SEM1: variants seen among roughly 807,000 people sequenced by gnomAD.
The protein encoded by SEM1 is 26S proteasome complex subunit SEM1.
SEM1 carries 3 observed loss-of-function variants against 12.7 expected under a neutral mutation model. The ratio of observed to expected loss-of-function variants is 0.24; its 90% CI spans 0.11 to 0.61. The LOEUF (loss-of-function observed/expected upper bound fraction) is 0.61, where lower values mean the gene tolerates loss of function less well. Ranked by LOEUF, SEM1 falls within the 20% of genes least tolerant of loss-of-function variation. The pLI is 0.88. For synonymous variants in SEM1, 30 were observed against 27.8 expected (o/e 1.08, Z -0.25); for missense variants, 59 against 81.3 (o/e 0.73, Z 1.06).
chr7:96,553,103 C>A (rs1805346427), intron 2 of SEM1, among the ~76,000 whole-genome samples: 1 of 152,132 alleles, frequency 6.6e-6, no homozygotes, highest in Non-Finnish European at 1.5e-5. Flanking sequence ...TAGCCCTTGT[C>A]AGATGAGTAG....
At chr7:96,621,287 T>C (rs902802642), downstream of SEM1, among the ~76,000 whole-genome samples, 20 of 152,166 alleles carry the variant, frequency 1.3e-4, no homozygotes, top group Admixed American at 6.5e-4. Flanking sequence ...TAAAAATTGG[T>C]CTTTGCAGCA....
intron 1 of SEM1, chr7:96,695,749 A>G (rs1790075967): frequency 6.6e-6 from 1 of 152,024 alleles, no homozygotes; most frequent in Non-Finnish European, 1.5e-5. Flanking sequence ...AGGTTCTAAG[A>G]CAACAAGCAG....
At chr7:96,619,133 T>C (rs575204886), downstream of SEM1, among the ~76,000 whole-genome samples, 16 of 152,344 alleles carry the variant, frequency 1.1e-4, no homozygotes, top group African/African-American at 3.8e-4. Flanking sequence ...AGACAATTGT[T>C]GTGGTCCTTT....
chr7:96,541,432 T>G (rs4559161), intron 2 of SEM1, among the ~76,000 whole-genome samples: 101,110 of 119,126 alleles, frequency 0.85, 42,362 homozygotes, highest in Non-Finnish European at 0.92. Context: ...TTTTAATGGG[T>G]TTTTTTTTTT....
At position 96,709,742 on chromosome 7, in the gene SEM1, C is replaced by G; in HGVS notation, c.22G>C (p.Val8Leu). 2 of 1,613,998 alleles carry G rather than the reference C, an allele frequency of 1.2e-6. No individual in the cohort carries two copies. Among genetic ancestry groups the G allele is most frequent in the Non-Finnish European group, 1.7e-6 (2 of 1,179,932 alleles). The change falls in exon 1 of 3, where the codon GTA becomes CTA. Residue 8 changes from valine to leucine, a missense_variant. By Grantham distance (32) the Val-to-Leu change is conservative (BLOSUM62 1). Coordinates refer to ENST00000248566, the MANE Select transcript of SEM1 (RefSeq NM_006304.2). MSEKKQP[V>L]DLGLLEEDDE... The stretch of plus-strand genomic sequence containing the variant: ...TCTTCCTCTAACAGACCTAAGTCTA[C>G]CGGCTGCTTTTTCTCTGACATCTCG...
intron 2 of SEM1, among the ~76,000 whole-genome samples, chr7:96,681,702 T>C (rs1414800660): frequency 6.6e-6 from 1 of 152,044 alleles, no homozygotes; most frequent in Non-Finnish European, 1.5e-5. Context: ...TGTAGATGTG[T>C]GGTGTTATTT....
At position 96,598,409 on chromosome 7, in the gene SEM1, T is replaced by TC. The variant is rs35910742; in HGVS notation, c.171-91712dup. Reference sequence around the variant, plus strand: ...TCAGACTTGGATTTTTTTTTTTTTTTCCCCCAAATAGAGGAACAGCTGCCC... The same window carrying TC: ...TCAGACTTGGATTTTTTTTTTTTTTTCCCCCCAAATAGAGGAACAGCTGCCC... On this transcript the variant is annotated intron_variant and NMD_transcript_variant, in intron 2 of 3. Transcript: ENST00000466986. 7.3e-3 allele frequency among the ~76,000 whole-genome samples: 1,077 copies of TC among 148,104 alleles called. 12 individuals carry two copies. The highest frequency in any genetic ancestry group is 0.022 in the African/African-American group (909 of 40,490).
At chr7:96,583,252 G>T (rs551948618) in intron 2 of SEM1, among the ~76,000 whole-genome samples, 1 of 148,214 alleles carries the variant, frequency 6.7e-6, no homozygotes, top group Non-Finnish European at 1.5e-5. Flanking sequence ...TCAGGAGCAG[G>T]TTGTTCAGTT....
downstream of SEM1, among the ~76,000 whole-genome samples, chr7:96,669,032 TC>T (rs1212100686): frequency 6.6e-6 from 1 of 152,154 alleles, no homozygotes; most frequent in African/African-American, 2.4e-5. Context: ...CTCACAGGTT[TC>T]AGAGGGAGCA....
At chr7:96,657,289 GT>G (rs1809213363) in intron 2 of SEM1, among the ~76,000 whole-genome samples, 2 of 152,192 alleles carry the variant, frequency 1.3e-5, no homozygotes, top group African/African-American at 4.8e-5. Flanking sequence ...TCAAGTGGCA[GT>G]TTCTATTGTA....
intron 2 of SEM1, among the ~76,000 whole-genome samples, chr7:96,694,446 C>A (rs1790028118): frequency 6.6e-6 from 1 of 151,946 alleles, no homozygotes; most frequent in Non-Finnish European, 1.5e-5. Flanking sequence ...GTTTGAGAAT[C>A]ACCAATCTAT....
intron 2 of SEM1, among the ~76,000 whole-genome samples, chr7:96,516,655 A>G (rs1804104524): frequency 6.6e-6 from 1 of 152,194 alleles, no homozygotes; most frequent in South Asian, 2.1e-4. Context: ...TGGTACAGCC[A>G]CTTTGGAAGA....
chr7:96,576,377 A>G (rs1054708456), intron 2 of SEM1, among the ~76,000 whole-genome samples: 1 of 151,986 alleles, frequency 6.6e-6, no homozygotes, highest in Non-Finnish European at 1.5e-5. Context: ...CTTGACTTTT[A>G]TGTTTTATTA....
At chr7:96,548,105 G>C (rs1447842500) in intron 2 of SEM1, among the ~76,000 whole-genome samples, 1 of 152,090 alleles carries the variant, frequency 6.6e-6, no homozygotes, top group Non-Finnish European at 1.5e-5. Context: ...GCAAATGCCA[G>C]TATATGAACA....
chr7:96,570,232 CATG>C, intron 2 of SEM1, among the ~76,000 whole-genome samples: 1 of 150,654 alleles, frequency 6.6e-6, no homozygotes, highest in East Asian at 2.0e-4. Flanking sequence ...TTCTGGGATA[CATG>C]TGTAGAATGT....
chr7:96,578,654 T>A (rs1563069199), intron 2 of SEM1, among the ~76,000 whole-genome samples: 1 of 152,192 alleles, frequency 6.6e-6, no homozygotes, highest in African/African-American at 2.4e-5. Flanking sequence ...GGTAAAGATA[T>A]GGGAAAATCT....
chr7:96,623,711 A>T (rs1807967525), intron 2 of SEM1, among the ~76,000 whole-genome samples: 1 of 151,920 alleles, frequency 6.6e-6, no homozygotes, highest in Non-Finnish European at 1.5e-5. Flanking sequence ...TCAATCATTG[A>T]AAGGTTGTAC....
intron 2 of SEM1, among the ~76,000 whole-genome samples, chr7:96,588,254 G>A (rs975189577): frequency 6.6e-6 from 1 of 151,752 alleles, no homozygotes; most frequent in Non-Finnish European, 1.5e-5. Context: ...TACTTGGGAG[G>A]CTATAGTAGC....
intron 1 of SEM1, among the ~76,000 whole-genome samples, chr7:96,704,354 C>T (rs1340207223): frequency 6.6e-6 from 1 of 152,026 alleles, no homozygotes; most frequent in Non-Finnish European, 1.5e-5. Context: ...TTAATTTATA[C>T]TCTCATTAAG....
Sources: allele counts gnomAD v4.1 joint callset (sites outside exome capture counted in the v4.1 genomes callset), GRCh38; gene constraint gnomAD v4.1.1; transcripts MANE v1.5; gene names NCBI Gene and HGNC (gene_info 2026-07-23, HGNC 2026-07-21).